Variants in TENM2 observed in about 807,000 individuals in gnomAD.
The protein encoded by TENM2 is teneurin transmembrane protein 2.
Under a neutral mutation model 245.2 loss-of-function variants are expected in TENM2, and 52 were observed. The ratio of observed to expected loss-of-function variants is 0.21; its 90% CI spans 0.17 to 0.27. The LOEUF (loss-of-function observed/expected upper bound fraction) is 0.27, where lower values mean the gene tolerates loss of function less well. TENM2 is among the 10% of genes least tolerant of loss of function. TENM2 has a pLI of 1.00. For synonymous variants in TENM2, 1,363 were observed against 1,438.9 expected (o/e 0.95, Z 1.19); for missense variants, 3,046 against 3,666.8 (o/e 0.83, Z 4.37).
At chr5:167,352,004 T>C (rs1273493554) in intron 1 of TENM2, among the ~76,000 whole-genome samples, 1 of 152,164 alleles carries the variant, frequency 6.6e-6, no homozygotes, top group East Asian at 1.9e-4. Context: ...GTGAAGAAAA[T>C]CTAGAGCAAA....
At chr5:167,132,315 C>T in the TENM2 span, among the ~76,000 whole-genome samples, 1 of 152,156 alleles carries the variant, frequency 6.6e-6, no homozygotes. Context: ...AAGGTGACCC[C>T]TATTCTGACC....
intron 2 of TENM2, among the ~76,000 whole-genome samples, chr5:167,794,226 C>T (rs1765170912): frequency 6.6e-6 from 1 of 152,088 alleles, no homozygotes; most frequent in Non-Finnish European, 1.5e-5. Flanking sequence ...ACAGGTGGTA[C>T]ACGTTTGCCA....
intron 2 of TENM2, among the ~76,000 whole-genome samples, chr5:167,555,262 C>T (rs987521229): frequency 2.0e-5 from 3 of 152,124 alleles, no homozygotes; most frequent in Non-Finnish European, 4.4e-5. Flanking sequence ...GCAGTTTGGC[C>T]TTAAAAATAG....
At chr5:167,751,404 G>A (rs536262704) in intron 2 of TENM2, among the ~76,000 whole-genome samples, 1 of 152,296 alleles carries the variant, frequency 6.6e-6, no homozygotes. Context: ...ATGGCATGAT[G>A]GCAGAGGATA....
the TENM2 span, among the ~76,000 whole-genome samples, chr5:167,200,821 T>C: frequency 1.3e-5 from 2 of 152,072 alleles, no homozygotes; most frequent in Non-Finnish European, 1.5e-5. Flanking sequence ...TTTGTAACAT[T>C]AAAGAATATC....
At chr5:167,491,470 A>G (rs548920869) in intron 2 of TENM2, among the ~76,000 whole-genome samples, 1 of 152,240 alleles carries the variant, frequency 6.6e-6, no homozygotes, top group South Asian at 2.1e-4. Flanking sequence ...CAGTTTTTAT[A>G]GTGATCCACC....
intron 2 of TENM2, among the ~76,000 whole-genome samples, chr5:167,393,090 C>T (rs1761851487): frequency 6.7e-6 from 1 of 149,752 alleles, no homozygotes; most frequent in Non-Finnish European, 1.5e-5. Context: ...CTACTGCACT[C>T]CAGCATGGGC....
intron 5 of TENM2, among the ~76,000 whole-genome samples, chr5:168,028,427 C>T (rs1056461961): frequency 1.3e-5 from 2 of 152,036 alleles, no homozygotes; most frequent in Non-Finnish European, 2.9e-5. Flanking sequence ...AGAGAAGGTG[C>T]TCAGGGGCGA....
chr5:167,916,738 T>A (rs1038499124), intron 3 of TENM2, among the ~76,000 whole-genome samples: 8 of 151,676 alleles, frequency 5.3e-5, no homozygotes, highest in Admixed American at 5.3e-4. Context: ...CCAAAAAAAA[T>A]AAAAAATAAA....
intron 2 of TENM2, among the ~76,000 whole-genome samples, chr5:167,815,337 A>T (rs141896096): frequency 1.3e-5 from 2 of 152,278 alleles, no homozygotes; most frequent in East Asian, 3.9e-4. Flanking sequence ...GAGAAAGATG[A>T]TAGCAGCTCC....
At chr5:167,575,028 T>C (rs1442672679) in intron 2 of TENM2, among the ~76,000 whole-genome samples, 1 of 152,002 alleles carries the variant, frequency 6.6e-6, no homozygotes, top group Non-Finnish European at 1.5e-5. Flanking sequence ...TTTGATTATG[T>C]GTTTTTAACC....
At chr5:167,122,246 A>G in the TENM2 span, among the ~76,000 whole-genome samples, 17 of 152,276 alleles carry the variant, frequency 1.1e-4, no homozygotes, top group South Asian at 2.1e-4. Context: ...ACAAGTAAAA[A>G]ATAAAATGGA....
intron 2 of TENM2, among the ~76,000 whole-genome samples, chr5:167,502,582 A>G (rs1159659787): frequency 6.6e-6 from 1 of 152,152 alleles, no homozygotes; most frequent in Non-Finnish European, 1.5e-5. Flanking sequence ...ATATTTCACC[A>G]TCTATAATGG....
intron 1 of TENM2, among the ~76,000 whole-genome samples, chr5:167,321,056 C>G (rs1756684801): frequency 6.6e-6 from 1 of 152,076 alleles, no homozygotes. Context: ...TTTAGAGCCC[C>G]TGAAATAAAT....
chr5:168,252,974 TTTG>T (rs1414670214), intron 27 of TENM2, among the ~76,000 whole-genome samples: 1 of 152,136 alleles, frequency 6.6e-6, no homozygotes. Context: ...TTTGTTTTGT[TTTG>T]TTTTTTTGAG....
At chr5:167,749,560 A>T (rs1761821140) in intron 2 of TENM2, among the ~76,000 whole-genome samples, 1 of 151,608 alleles carries the variant, frequency 6.6e-6, no homozygotes, top group African/African-American at 2.4e-5. Flanking sequence ...ATCGCTTGAA[A>T]CCGGAAGGCA....
chr5:168,260,474 A>G (rs1768082238), intron 28 of TENM2, 61 bp downstream of exon 30: 2 of 1,591,318 alleles, frequency 1.3e-6, no homozygotes, highest in African/African-American at 2.7e-5. Context: ...TGCAAACAGA[A>G]CCTCATGGGA....
chr5:167,146,758 A>G, the TENM2 span, among the ~76,000 whole-genome samples: 655 of 152,256 alleles, frequency 4.3e-3, 1 homozygote, highest in African/African-American at 0.015. Context: ...TTTAAATCCA[A>G]TCCCTCATCT....
intron 3 of TENM2, among the ~76,000 whole-genome samples, chr5:167,882,223 C>G (rs1396299399): frequency 6.6e-6 from 1 of 152,150 alleles, no homozygotes; most frequent in Non-Finnish European, 1.5e-5. Flanking sequence ...TCACAAAATA[C>G]CCTTTACGCC....
Sources: allele counts gnomAD v4.1 joint callset (sites outside exome capture counted in the v4.1 genomes callset), GRCh38; gene constraint gnomAD v4.1.1; transcripts MANE v1.5; gene names NCBI Gene and HGNC (gene_info 2026-07-23, HGNC 2026-07-21).